ENTREP2: variants seen among roughly 807,000 people sequenced by gnomAD.
ENTREP2 encodes endosomal transmembrane epsin interactor 2, also known as protein ENTREP2.
the ENTREP2 span, among the ~76,000 whole-genome samples, chr15:29,627,162 G>A: frequency 1.6e-4 from 24 of 152,056 alleles, no homozygotes; most frequent in African/African-American, 2.2e-4. Flanking sequence ...ATGTGTTTTC[G>A]TTTCATGCAG....
At chr15:29,157,805 C>T in the ENTREP2 span, among the ~76,000 whole-genome samples, 1 of 150,400 alleles carries the variant, frequency 6.6e-6, no homozygotes, top group Non-Finnish European at 1.5e-5. Context: ...TATCGGCTCA[C>T]TGCAACTTCC....
At chr15:29,648,947 A>AC in the ENTREP2 span, among the ~76,000 whole-genome samples, 1 of 151,298 alleles carries the variant, frequency 6.6e-6, no homozygotes, top group Admixed American at 6.6e-5. Flanking sequence ...AAAAAAAAAA[A>AC]CAACAACAAA....
chr15:29,550,821 A>C, the ENTREP2 span, among the ~76,000 whole-genome samples: 1 of 152,202 alleles, frequency 6.6e-6, no homozygotes, highest in Non-Finnish European at 1.5e-5. Flanking sequence ...GCAAACATTT[A>C]GTAAGTGCTC....
At chr15:29,603,991 A>G in the ENTREP2 span, among the ~76,000 whole-genome samples, 42 of 152,206 alleles carry the variant, frequency 2.8e-4, no homozygotes, top group Non-Finnish European at 5.1e-4. Context: ...TGAATTAAAT[A>G]TATCTATATG....
the ENTREP2 span, among the ~76,000 whole-genome samples, chr15:29,253,549 T>C: frequency 6.6e-6 from 1 of 151,820 alleles, no homozygotes; most frequent in Non-Finnish European, 1.5e-5. Context: ...TTCAAGCGAT[T>C]ATCTTGCCTC....
the ENTREP2 span, among the ~76,000 whole-genome samples, chr15:29,469,002 T>A: frequency 6.6e-6 from 1 of 152,132 alleles, no homozygotes; most frequent in East Asian, 1.9e-4. Flanking sequence ...CAGTGGCCTT[T>A]CTTCCCTAGG....
the ENTREP2 span, chr15:29,267,562 TAC>T: frequency 2.0e-5 from 3 of 152,172 alleles, no homozygotes; most frequent in African/African-American, 7.2e-5. Context: ...CTTTTCCCTA[TAC>T]CTAACTCCCT....
chr15:29,164,799 G>A, the ENTREP2 span, among the ~76,000 whole-genome samples: 6 of 151,920 alleles, frequency 3.9e-5, no homozygotes, highest in African/African-American at 7.3e-5. Context: ...AAGAAACAAT[G>A]GATTTAAACT....
At chr15:29,352,478 C>T in the ENTREP2 span, among the ~76,000 whole-genome samples, 9 of 152,278 alleles carry the variant, frequency 5.9e-5, no homozygotes, top group South Asian at 1.2e-3. Flanking sequence ...ATTAGGTACA[C>T]GGTTTCTTCC....
chr15:29,295,617 C>T, the ENTREP2 span, among the ~76,000 whole-genome samples: 89,692 of 152,046 alleles, frequency 0.59, 27,867 homozygotes, highest in Middle Eastern at 0.74. Flanking sequence ...ATTGATAAAA[C>T]AGAACAATTA....
the ENTREP2 span, among the ~76,000 whole-genome samples, chr15:29,353,256 G>T: frequency 6.6e-6 from 1 of 152,166 alleles, no homozygotes; most frequent in East Asian, 1.9e-4. Context: ...TTATGGACTG[G>T]TGCATTTGAT....
At chr15:29,237,767 A>G in the ENTREP2 span, among the ~76,000 whole-genome samples, 2 of 151,148 alleles carry the variant, frequency 1.3e-5, no homozygotes, top group African/African-American at 4.9e-5. Flanking sequence ...TAAATGATTC[A>G]ACTAGAGTTA....
the ENTREP2 span, among the ~76,000 whole-genome samples, chr15:29,189,483 A>T: frequency 6.6e-6 from 1 of 150,534 alleles, no homozygotes; most frequent in South Asian, 2.1e-4. Context: ...TCAATAACTG[A>T]TTGATTTCTT....
At chr15:29,626,076 G>A in the ENTREP2 span, among the ~76,000 whole-genome samples, 2 of 152,188 alleles carry the variant, frequency 1.3e-5, no homozygotes, top group Non-Finnish European at 2.9e-5. Context: ...TTGAACTCGT[G>A]ACCTATATGA....
At chr15:29,274,797 T>C in the ENTREP2 span, among the ~76,000 whole-genome samples, 1 of 152,190 alleles carries the variant, frequency 6.6e-6, no homozygotes, top group Non-Finnish European at 1.5e-5. Context: ...AAACTTCATT[T>C]AAGTTTTACA....
the ENTREP2 span, among the ~76,000 whole-genome samples, chr15:29,655,911 G>C: frequency 1.3e-5 from 2 of 151,418 alleles, no homozygotes; most frequent in Non-Finnish European, 2.9e-5. Context: ...TGTAATCCCA[G>C]CTACTCAGGA....
the ENTREP2 span, among the ~76,000 whole-genome samples, chr15:29,442,135 T>G: frequency 3.3e-5 from 5 of 152,210 alleles, no homozygotes; most frequent in African/African-American, 1.2e-4. Context: ...TGGAAGCGTT[T>G]GCACACAGTG....
At chr15:29,425,854 C>T in the ENTREP2 span, among the ~76,000 whole-genome samples, 1 of 151,940 alleles carries the variant, frequency 6.6e-6, no homozygotes, top group South Asian at 2.1e-4. Context: ...AACCTGCCTC[C>T]CAGATTTTAT....
At chr15:29,441,203 C>T in the ENTREP2 span, among the ~76,000 whole-genome samples, 9 of 152,110 alleles carry the variant, frequency 5.9e-5, no homozygotes, top group African/African-American at 9.7e-5. Context: ...CAAAATAAGC[C>T]GATCACAAAA....
Sources: gnomAD v4.1 joint callset for allele counts (sites outside exome capture counted in the v4.1 genomes callset) on GRCh38, gnomAD v4.1.1 for gene constraint, MANE v1.5 for transcripts, NCBI Gene and HGNC (gene_info 2026-07-23, HGNC 2026-07-21) for gene names.